The following SNX30 variants were observed in gnomAD, a reference collection of about 807,000 sequenced individuals.
SNX30 encodes the protein sorting nexin-30.
Under a neutral mutation model 46.4 loss-of-function variants are expected in SNX30, and 24 were observed. The ratio of observed to expected loss-of-function variants is 0.52; its 90% CI spans 0.37 to 0.73. SNX30 has a LOEUF of 0.73. Ranked by LOEUF, SNX30 falls within the 30% of genes least tolerant of loss-of-function variation. The pLI is 0.00. For synonymous variants in SNX30, 189 were observed against 211.5 expected (o/e 0.89, Z 0.92); for missense variants, 533 against 555.7 (o/e 0.96, Z 0.41).
chr9:112,808,714 GTT>G (rs145194890), intron 2 of SNX30, among the ~76,000 whole-genome samples: 133,341 of 152,136 alleles, frequency 0.88, 58,591 homozygotes, highest in Middle Eastern at 0.91. Context: ...ACTTCATCCA[GTT>G]TTACAAAAAC....
chr9:112,760,962 G>A lies in SNX30; in HGVS notation c.156+9805G>A, dbSNP rs79556929. Among the ~76,000 whole-genome samples, 839 of 152,270 alleles carry A rather than the reference G, an allele frequency of 5.5e-3. 8 individuals are homozygous for A. Among genetic ancestry groups the A allele is most frequent in the African/African-American group, 0.016 (683 of 41,554 alleles). On this transcript the variant is annotated intron_variant, in intron 1 of 8. Transcript: ENST00000374232. ...GCCCCAAGGTGAAGGGCAGAGACAG[G>A]AAAGACCTGTGGCCGCTGGAGGAGG...
At chr9:112,821,840 G>A (rs1270743815) in intron 3 of SNX30, among the ~76,000 whole-genome samples, 1 of 152,040 alleles carries the variant, frequency 6.6e-6, no homozygotes, top group East Asian at 1.9e-4. Context: ...CACCCAGGCT[G>A]GAGTGCAGTG....
At position 112,846,272 on chromosome 9, in the gene SNX30, G is replaced by C. The variant is rs1840939066; in HGVS notation, c.1015-4587G>C. ...AGAAGGGAAGAAATAATGTATCACT[G>C]ATTGTGTCTGTGTGATGAGATTATG... On this transcript the variant is annotated intron_variant, in intron 6 of 8. Coordinates refer to ENST00000374232, the MANE Select transcript of SNX30 (RefSeq NM_001012994.2). 3.3e-5 allele frequency among the ~76,000 whole-genome samples: 5 copies of C among 152,208 alleles called. No homozygotes were observed. In the South Asian group the frequency reaches 8.3e-4, roughly 25 times the overall value.
At chr9:112,856,384 G>A (rs1018244412) in intron 7 of SNX30, among the ~76,000 whole-genome samples, 2 of 150,432 alleles carry the variant, frequency 1.3e-5, no homozygotes, top group Non-Finnish European at 3.0e-5. Flanking sequence ...TAGGGAGGGC[G>A]TGTGGCGTGT....
At chr9:112,772,897 T>C (rs1421618107) in intron 1 of SNX30, among the ~76,000 whole-genome samples, 1 of 152,270 alleles carries the variant, frequency 6.6e-6, no homozygotes. Context: ...TGAAAAGTCT[T>C]GCTATTGATT....
chr9:112,757,759 A>G (rs928345592), intron 1 of SNX30, among the ~76,000 whole-genome samples: 4 of 151,870 alleles, frequency 2.6e-5, no homozygotes, highest in African/African-American at 9.7e-5. Context: ...CCTCCTTTAG[A>G]TTCTGTGGCC....
intron 2 of SNX30, 115 bp from the exon 3 acceptor site, chr9:112,817,590 G>A: frequency 1.5e-6 from 1 of 652,784 alleles, no homozygotes; most frequent in Non-Finnish European, 2.8e-6. Flanking sequence ...GTTGTGTTTG[G>A]TGGAAGGAAA....
chr9:112,809,775 G>A (rs1840289806), intron 2 of SNX30, among the ~76,000 whole-genome samples: 1 of 152,070 alleles, frequency 6.6e-6, no homozygotes, highest in African/African-American at 2.4e-5. Context: ...GTGAGCGAGG[G>A]GTAAGAGAGA....
At chr9:112,770,285 C>T (rs1839627578) in intron 1 of SNX30, among the ~76,000 whole-genome samples, 1 of 151,954 alleles carries the variant, frequency 6.6e-6, no homozygotes, top group South Asian at 2.1e-4. Context: ...AATTCTCCTG[C>T]CTCAGCCTCC....
chr9:112,823,487 A>G (rs560019349), intron 3 of SNX30, among the ~76,000 whole-genome samples: 2 of 152,318 alleles, frequency 1.3e-5, no homozygotes, highest in African/African-American at 4.8e-5. Context: ...CTGGAGCACT[A>G]GTTACACAGC....
Position 112,817,401 on chromosome 9 carries a change from C to CTTT in SNX30, c.349-276_349-274dup, listed in dbSNP as rs56856142. Among the ~76,000 whole-genome samples the CTTT allele has an allele frequency of 4.0e-3, 185 of 46,818 alleles. 28 individuals carry two copies. The highest frequency in any genetic ancestry group is 0.011 in the African/African-American group (114 of 10,256). The allele number at this position is 46,818 out of a possible 152,430, so 30.7% of individuals were successfully genotyped here. On this transcript the variant is annotated intron_variant, in intron 2 of 8. Transcript: ENST00000374232. Reference sequence around the variant, plus strand: ...CGGTAGGGAAAAAAAAAAAAACTGGCTTTTTTTTTTTTTTTTTTTTTTTTT... The same window carrying CTTT: ...CGGTAGGGAAAAAAAAAAAAACTGGCTTTTTTTTTTTTTTTTTTTTTTTTTTTT...
rs375677380 is a variant in SNX30 at position 112,771,583 on chromosome 9, A to C, written c.156+20426A>C. Among the ~76,000 whole-genome samples, 12 of 152,274 alleles carry C rather than the reference A, an allele frequency of 7.9e-5. No individual in the cohort carries two copies. The South Asian group carries it at 1.9e-3, about 24-fold the overall frequency. On this transcript the variant is annotated intron_variant, in intron 1 of 8. Transcript: ENST00000374232. Reference sequence around the variant, plus strand: ...TCCTTCTCCCAGCCTTCAAGAGTATAGTCTCCCCGGGTGGCTATTTGACCA... The same window carrying C: ...TCCTTCTCCCAGCCTTCAAGAGTATCGTCTCCCCGGGTGGCTATTTGACCA...
chr9:112,838,473 T>C (rs1478684388), intron 5 of SNX30, 25 bp from the exon 6 acceptor site: 2 of 1,581,908 alleles, frequency 1.3e-6, no homozygotes, highest in Admixed American at 1.8e-5. Context: ...AGCCAGATTT[T>C]AATTAGTTTC....
intron 6 of SNX30, among the ~76,000 whole-genome samples, chr9:112,839,488 A>AG (rs1840820817): frequency 1.3e-5 from 2 of 152,234 alleles, no homozygotes; most frequent in African/African-American, 4.8e-5. Flanking sequence ...GACAAAAAAA[A>AG]TCTTTGGCCT....
At chr9:112,837,366 A>G (rs1840773689) in intron 5 of SNX30, among the ~76,000 whole-genome samples, 1 of 152,190 alleles carries the variant, frequency 6.6e-6, no homozygotes, top group Non-Finnish European at 1.5e-5. Flanking sequence ...TGAGGTGGCC[A>G]CCGAGTGATA....
At chr9:112,879,459 GCC>G, downstream of SNX30, 1 of 312,912 alleles carries the variant, frequency 3.2e-6, no homozygotes, top group South Asian at 7.7e-5. Flanking sequence ...CCCTCACAGG[GCC>G]TGGGACTGCT....
At chr9:112,828,862 T>G (rs1840616206) in intron 3 of SNX30, among the ~76,000 whole-genome samples, 1 of 152,186 alleles carries the variant, frequency 6.6e-6, no homozygotes, top group Non-Finnish European at 1.5e-5. Flanking sequence ...CTGAAAAGTT[T>G]CAGAATCACC....
intron 1 of SNX30, among the ~76,000 whole-genome samples, chr9:112,759,561 C>G (rs146150849): frequency 6.6e-6 from 1 of 152,070 alleles, no homozygotes; most frequent in Admixed American, 6.6e-5. Context: ...AACCCTGTCT[C>G]TACTAAAAAT....
At chr9:112,817,946 C>T (rs1840426953) in intron 3 of SNX30, 131 bp downstream of exon 3, 7 of 660,204 alleles carry the variant, frequency 1.1e-5, no homozygotes, top group Non-Finnish European at 1.9e-5. Context: ...TGTTAACGGA[C>T]ACTGTATACA....
Sources: allele counts gnomAD v4.1 joint callset (sites outside exome capture counted in the v4.1 genomes callset), GRCh38; gene constraint gnomAD v4.1.1; transcripts MANE v1.5; gene names NCBI Gene and HGNC (gene_info 2026-07-23, HGNC 2026-07-21).